Variants in MRPL39 observed in about 807,000 individuals in gnomAD.
MRPL39 encodes the protein large ribosomal subunit protein mL39.
In MRPL39, 35 loss-of-function variants were observed where a neutral mutation model predicts 44.5. The observed-to-expected ratio is 0.79, with a 90% CI of 0.60 to 1.04. MRPL39 has a LOEUF of 1.04. Ranked by LOEUF, MRPL39 falls within the 50% of genes least tolerant of loss-of-function variation. The probability of loss-of-function intolerance (pLI) is 0.00; values close to 1 mark genes in which losing one functional copy is unlikely to be tolerated. For missense variants in MRPL39, 433 were observed against 413.5 expected (o/e 1.05, Z -0.41); for synonymous variants, 139 against 136.1 (o/e 1.02, Z -0.15).
intron 2 of MRPL39, among the ~76,000 whole-genome samples, chr21:25,604,507 T>C (rs1362784324): frequency 6.6e-6 from 1 of 152,208 alleles, no homozygotes; most frequent in Non-Finnish European, 1.5e-5. Flanking sequence ...AAATCAGTTC[T>C]AGATTGGTTT....
chr21:25,599,699 T>C, intron 5 of MRPL39, 100 bp downstream of exon 5: 1 of 934,656 alleles, frequency 1.1e-6, no homozygotes, highest in Non-Finnish European at 1.7e-6. Flanking sequence ...CTTTTAAATG[T>C]TCTCAACATG....
intron 6 of MRPL39, among the ~76,000 whole-genome samples, 168 bp from the exon 7 acceptor site, chr21:25,594,126 C>A (rs1207917276): frequency 2.0e-5 from 3 of 152,152 alleles, no homozygotes; most frequent in African/African-American, 7.2e-5. Context: ...AAACTGTTCT[C>A]AACAAAGTCA....
chr21:25,594,975 C>A (rs1568862499), intron 6 of MRPL39, among the ~76,000 whole-genome samples: 2 of 152,218 alleles, frequency 1.3e-5, no homozygotes, highest in Admixed American at 6.5e-5. Flanking sequence ...TACCATATCT[C>A]CTTTATTCAA....
At chr21:25,597,964 A>G (rs1216294750) in intron 5 of MRPL39, among the ~76,000 whole-genome samples, 1 of 152,198 alleles carries the variant, frequency 6.6e-6, no homozygotes, top group Admixed American at 6.5e-5. Flanking sequence ...AAAATGATGA[A>G]GAATACACAT....
intron 6 of MRPL39, among the ~76,000 whole-genome samples, chr21:25,595,900 T>A (rs1478850480): frequency 6.6e-6 from 1 of 152,222 alleles, no homozygotes; most frequent in African/African-American, 2.4e-5. Context: ...AATTTTCTTG[T>A]CGAATCAATG....
chr21:25,598,153 T>G (rs1444385706), intron 5 of MRPL39, among the ~76,000 whole-genome samples: 1 of 152,082 alleles, frequency 6.6e-6, no homozygotes, highest in Non-Finnish European at 1.5e-5. Context: ...AAAGAATAAT[T>G]TACTGTATAA....
At chr21:25,588,761 C>A in intron 9 of MRPL39, 74 bp downstream of exon 9, 2 of 1,325,804 alleles carry the variant, frequency 1.5e-6, no homozygotes, top group Admixed American at 2.0e-5. Flanking sequence ...ATTTTTCCCC[C>A]CTTTGGTTGT....
At chr21:25,599,724 A>G in intron 5 of MRPL39, 75 bp downstream of exon 5, 2 of 1,229,042 alleles carry the variant, frequency 1.6e-6, no homozygotes, top group South Asian at 1.2e-5. Context: ...ACCATTCAAC[A>G]ATACTAACAT....
chr21:25,599,061 T>C (rs1368945687), intron 5 of MRPL39, among the ~76,000 whole-genome samples: 2 of 152,188 alleles, frequency 1.3e-5, no homozygotes, highest in African/African-American at 2.4e-5. Context: ...ATTAGGTATT[T>C]GCCTATTCTC....
At chr21:25,588,786 G>T in intron 9 of MRPL39, 49 bp downstream of exon 9, 7 of 1,505,652 alleles carry the variant, frequency 4.6e-6, no homozygotes, top group Non-Finnish European at 5.4e-6. Flanking sequence ...GGTTAATTTT[G>T]ATGAATTTCT....
chr21:25,602,432 T>C (rs965460102), intron 3 of MRPL39, among the ~76,000 whole-genome samples: 5 of 152,250 alleles, frequency 3.3e-5, no homozygotes, highest in African/African-American at 9.6e-5. Flanking sequence ...AATGAGTTAA[T>C]ATCTGTAAAT....
In MRPL39 at chr21:25,606,523, T is replaced by A. The variant is rs115482384; in HGVS notation, c.206A>T (p.His69Leu). 5 of 1,614,166 alleles carry A rather than the reference T, an allele frequency of 3.1e-6. No individual in the cohort carries two copies. The highest frequency in any genetic ancestry group is 4.2e-6 in the Non-Finnish European group (5 of 1,180,006). Reference sequence around the variant, plus strand: ...AGTACCGGGGTCAGTTTTCCCAACATGCTTAACTTCTATCTTCTCAGTTCG... The same window carrying A: ...AGTACCGGGGTCAGTTTTCCCAACAAGCTTAACTTCTATCTTCTCAGTTCG... ...TPRTEKIEVKHVGKTDPGTVF... is the reference protein window; with the variant it reads ...TPRTEKIEVKLVGKTDPGTVF... Residue 69 changes from histidine to leucine, a missense_variant, in exon 2 of 10, where the codon CAT becomes CTT. Transcript: ENST00000352957.
At chr21:25,591,285 T>C (rs1241463082) in intron 8 of MRPL39, among the ~76,000 whole-genome samples, 1 of 151,976 alleles carries the variant, frequency 6.6e-6, no homozygotes, top group Non-Finnish European at 1.5e-5. Flanking sequence ...AACAAAAATG[T>C]TATCAAATTT....
rs1245102946 is a variant in MRPL39, at chr21:25,593,922, C to G, written c.738G>C (p.Gln246His). The G allele has an allele frequency of 1.2e-6, 2 of 1,613,680 alleles. No homozygotes were observed. The highest frequency in any genetic ancestry group is 2.7e-5 in the African/African-American group (2 of 74,924). The change falls in exon 7 of 10, where the codon CAG (glutamine) becomes CAC (histidine). Residue 246 changes from glutamine to histidine, a missense_variant. Gln to His is a conservative substitution (Grantham distance 24). Transcript: ENST00000352957. Reference sequence around the variant, plus strand: ...GTAGCTTGACTATTCTCTCAGGGTTCTGAGATGCCTTCTCTTCTATGAAAT... The same window carrying G: ...GTAGCTTGACTATTCTCTCAGGGTTGTGAGATGCCTTCTCTTCTATGAAAT... ...KVDFIEEKASQNPERIVKLHR... is the reference protein window; with the variant it reads ...KVDFIEEKASHNPERIVKLHR...
At position 25,601,381 on chromosome 21, in the gene MRPL39, A is replaced by G; in HGVS notation, c.507T>C (p.Ala169=). 6.2e-7 allele frequency: 1 copy of G among 1,609,182 alleles called. No homozygotes were observed. Among genetic ancestry groups the G allele is most frequent in the Non-Finnish European group, 8.5e-7 (1 of 1,177,084 alleles). ...KDEYMVNLVR[A]PEVPVISGAF... Reference sequence around the variant, plus strand: ...TGTATACACTACCAGGAACTTCTGGAGCTCTGACCAAATTGACCATATATT... The same window carrying G: ...TGTATACACTACCAGGAACTTCTGGGGCTCTGACCAAATTGACCATATATT... The change falls in exon 4 of 10, where the codon GCT becomes GCC. Residue 169 remains alanine (A), a synonymous_variant. Transcript: ENST00000352957.
chr21:25,599,929 GCAA>G (rs2031473275), intron 4 of MRPL39, 63 bp from the exon 5 acceptor site: 2 of 1,224,586 alleles, frequency 1.6e-6, no homozygotes, highest in Non-Finnish European at 2.4e-6. Context: ...TTACTAATTT[GCAA>G]CAACTGAATA....
intron 6 of MRPL39, 148 bp downstream of exon 6, chr21:25,597,154 G>A (rs1330230932): frequency 8.7e-6 from 5 of 575,422 alleles, no homozygotes; most frequent in East Asian, 3.3e-5. Context: ...TTTCCTCAGC[G>A]AAATAAATGA....
chr21:25,607,626 A>T, upstream of MRPL39: 1 of 753,672 alleles, frequency 1.3e-6, no homozygotes, highest in Non-Finnish European at 2.1e-6. Context: ...CTCGCTGGGG[A>T]TTCAGTGGCT....
chr21:25,606,321 T>C, intron 2 of MRPL39, 128 bp downstream of exon 2: 4 of 776,834 alleles, frequency 5.1e-6, no homozygotes, highest in Non-Finnish European at 8.0e-6. Context: ...CAAGAAAGGA[T>C]TTTGGTATAA....
Sources: gnomAD v4.1 joint callset for allele counts (sites outside exome capture counted in the v4.1 genomes callset) on GRCh38, gnomAD v4.1.1 for gene constraint, MANE v1.5 for transcripts, NCBI Gene and HGNC (gene_info 2026-07-23, HGNC 2026-07-21) for gene names.